SLC25A21: variants seen among roughly 807,000 people sequenced by gnomAD.
The protein encoded by SLC25A21 is solute carrier family 25 member 21, also known as mitochondrial 2-oxodicarboxylate carrier.
In SLC25A21, 47 loss-of-function variants were observed where a neutral mutation model predicts 43.8. The observed-to-expected ratio is 1.07, with a 90% confidence interval of 0.85 to 1.37. The LOEUF is 1.37. Ranked by LOEUF, SLC25A21 falls within the 40% of genes most tolerant of loss-of-function variation. SLC25A21 has a pLI of 0.00. For missense variants in SLC25A21, 352 were observed against 350.2 expected (o/e 1.00, Z -0.04); for synonymous variants, 131 against 121.3 (o/e 1.08, Z -0.52).
At chr14:36,859,158 CT>C (rs1889991591) in intron 2 of SLC25A21, among the ~76,000 whole-genome samples, 1 of 152,194 alleles carries the variant, frequency 6.6e-6, no homozygotes, top group Admixed American at 6.5e-5. Flanking sequence ...CACCGCTACT[CT>C]GCTAATCCTG....
chr14:37,110,416 TCCA>T (rs1204046857), intron 1 of SLC25A21, among the ~76,000 whole-genome samples: 1 of 152,314 alleles, frequency 6.6e-6, no homozygotes, highest in East Asian at 1.9e-4. Context: ...ACTAAGTACA[TCCA>T]CTTGAAATAT....
intron 1 of SLC25A21, among the ~76,000 whole-genome samples, chr14:37,089,568 A>G (rs1490611291): frequency 1.3e-5 from 2 of 152,200 alleles, no homozygotes; most frequent in Non-Finnish European, 2.9e-5. Context: ...CTGGCCAGGC[A>G]CTGAGCCCAT....
At chr14:36,882,842 G>A (rs1451606366) in intron 1 of SLC25A21, among the ~76,000 whole-genome samples, 2 of 151,350 alleles carry the variant, frequency 1.3e-5, no homozygotes, top group African/African-American at 4.9e-5. Flanking sequence ...CATCCCCTTC[G>A]GAAACAACAT....
intron 1 of SLC25A21, among the ~76,000 whole-genome samples, chr14:36,921,885 C>T (rs2138625236): frequency 6.6e-6 from 1 of 152,278 alleles, no homozygotes; most frequent in Non-Finnish European, 1.5e-5. Flanking sequence ...TGGCTTACAC[C>T]TGTAAACCCA....
chr14:36,745,754 A>G (rs1404694244), intron 3 of SLC25A21, among the ~76,000 whole-genome samples: 1 of 152,150 alleles, frequency 6.6e-6, no homozygotes. Context: ...GCCCTTTGTC[A>G]GATGGATAGA....
chr14:36,987,465 C>T (rs77148139), intron 1 of SLC25A21, among the ~76,000 whole-genome samples: 3,009 of 152,238 alleles, frequency 0.02, 99 homozygotes, highest in African/African-American at 0.068. Flanking sequence ...AATCCTACTA[C>T]GTAGAGATAA....
intron 3 of SLC25A21, among the ~76,000 whole-genome samples, chr14:36,736,930 T>C (rs1224189847): frequency 6.6e-6 from 1 of 152,224 alleles, no homozygotes; most frequent in African/African-American, 2.4e-5. Context: ...AATGAAGTAC[T>C]TCTAATGGTC....
At chr14:36,984,259 A>G (rs1487161067) in intron 1 of SLC25A21, among the ~76,000 whole-genome samples, 1 of 152,176 alleles carries the variant, frequency 6.6e-6, no homozygotes, top group Non-Finnish European at 1.5e-5. Flanking sequence ...TTATGTGACA[A>G]TGTTGTAAAC....
chr14:36,826,493 C>T (rs1446284611), intron 2 of SLC25A21, among the ~76,000 whole-genome samples: 1 of 152,202 alleles, frequency 6.6e-6, no homozygotes, highest in Non-Finnish European at 1.5e-5. Flanking sequence ...CCTCCTCCCA[C>T]TCTTTCTCAG....
intron 3 of SLC25A21, among the ~76,000 whole-genome samples, chr14:36,785,042 G>A (rs1053411963): frequency 2.0e-5 from 3 of 152,166 alleles, no homozygotes; most frequent in Non-Finnish European, 4.4e-5. Flanking sequence ...TGTTCTACCA[G>A]AGGGGTGGTA....
chr14:37,043,412 T>A (rs1373274270), intron 1 of SLC25A21, among the ~76,000 whole-genome samples: 1 of 152,150 alleles, frequency 6.6e-6, no homozygotes, highest in Non-Finnish European at 1.5e-5. Context: ...CTCCACACAC[T>A]CCAGTCTGAG....
chr14:37,064,058 A>C (rs1376354899), intron 1 of SLC25A21, among the ~76,000 whole-genome samples: 1 of 152,188 alleles, frequency 6.6e-6, no homozygotes, highest in African/African-American at 2.4e-5. Flanking sequence ...TGAGTCAGTG[A>C]ACTGAGTGAG....
intron 1 of SLC25A21, chr14:37,097,952 G>T (rs1024076890): frequency 1.3e-5 from 2 of 152,040 alleles, no homozygotes; most frequent in African/African-American, 4.8e-5. Context: ...GAGAAGAAAT[G>T]ATAAAGCAAA....
chr14:37,050,970 A>T (rs1308737183), intron 1 of SLC25A21, among the ~76,000 whole-genome samples: 1 of 152,202 alleles, frequency 6.6e-6, no homozygotes, highest in African/African-American at 2.4e-5. Flanking sequence ...AGGTTAATAC[A>T]TCTAAAATAA....
chr14:36,970,888 T>G (rs1301754706), intron 1 of SLC25A21, among the ~76,000 whole-genome samples: 3 of 152,218 alleles, frequency 2.0e-5, no homozygotes, highest in Non-Finnish European at 4.4e-5. Context: ...TTTGAAAACC[T>G]TTTAGAAATT....
chr14:36,693,105 T>G (rs1410416835), intron 7 of SLC25A21, among the ~76,000 whole-genome samples: 1 of 152,256 alleles, frequency 6.6e-6, no homozygotes, highest in African/African-American at 2.4e-5. Flanking sequence ...GTGAAGCTCA[T>G]GCATGAAGGA....
chr14:37,138,252 AG>A (rs534806301), intron 1 of SLC25A21, among the ~76,000 whole-genome samples: 1 of 152,330 alleles, frequency 6.6e-6, no homozygotes, highest in African/African-American at 2.4e-5. Flanking sequence ...AAAGATACGA[AG>A]AAAAAGAAAA....
chr14:36,902,279 T>C (rs1891416349), intron 1 of SLC25A21, among the ~76,000 whole-genome samples: 1 of 152,130 alleles, frequency 6.6e-6, no homozygotes, highest in Non-Finnish European at 1.5e-5. Flanking sequence ...AGCTATGCTG[T>C]TTAGGTTGTC....
intron 3 of SLC25A21, among the ~76,000 whole-genome samples, chr14:36,759,351 A>G (rs950304826): frequency 3.3e-5 from 5 of 152,178 alleles, no homozygotes. Flanking sequence ...TTTCCTTCTG[A>G]AAAAAACAGG....
Sources: allele counts gnomAD v4.1 joint callset (sites outside exome capture counted in the v4.1 genomes callset), GRCh38; gene constraint gnomAD v4.1.1; transcripts MANE v1.5; gene names NCBI Gene and HGNC (gene_info 2026-07-23, HGNC 2026-07-21).